MYO5B: variants seen among roughly 807,000 people sequenced by gnomAD.
The protein encoded by MYO5B is myosin VB.
A neutral mutation model predicts 229.3 loss-of-function variants in MYO5B; 143 were observed. The observed-to-expected ratio is 0.62, with a 90% CI of 0.54 to 0.72. The LOEUF (loss-of-function observed/expected upper bound fraction) is 0.72. Ranked by LOEUF, MYO5B falls within the 30% of genes least tolerant of loss-of-function variation. The probability of loss-of-function intolerance (pLI) is 0.00; values close to 1 mark genes in which losing one functional copy is unlikely to be tolerated. For missense variants in MYO5B, 2,321 were observed against 2,331.0 expected (o/e 1.00, Z 0.09); for synonymous variants, 918 against 885.2 (o/e 1.04, Z -0.66).
intron 4 of MYO5B, among the ~76,000 whole-genome samples, chr18:50,014,290 A>AC (rs1179386474): frequency 2.0e-5 from 2 of 98,748 alleles, no homozygotes; most frequent in Middle Eastern, 4.3e-3. Flanking sequence ...AAAAAAAAAA[A>AC]AAAAAACTAC....
At chr18:49,908,841 G>C (rs1181653428) in intron 18 of MYO5B, among the ~76,000 whole-genome samples, 2 of 152,144 alleles carry the variant, frequency 1.3e-5, no homozygotes, top group African/African-American at 4.8e-5. Context: ...TGTATCTGTG[G>C]AGTTAAAGAA....
In MYO5B at chr18:50,020,827, T is replaced by C. The variant is rs567447596; in HGVS notation, c.455+16023A>G. Among the ~76,000 whole-genome samples the C allele has an allele frequency of 7.9e-5, 12 of 152,368 alleles. No individual in the cohort carries two copies. The South Asian group carries it at 1.7e-3, about 21-fold the overall frequency. ...TAGTTTCTGACTCAGCTAAACAAAG[T>C]GCTAGGCCAGGGAGATGGATGTTTT... On this transcript the variant is annotated intron_variant, in intron 4 of 39. Coordinates refer to ENST00000285039, the MANE Select transcript of MYO5B (RefSeq NM_001080467.3).
intron 1 of MYO5B, among the ~76,000 whole-genome samples, chr18:50,143,808 G>A (rs1212239510): frequency 6.6e-6 from 1 of 152,158 alleles, no homozygotes; most frequent in East Asian, 1.9e-4. Context: ...TTGTGTACAG[G>A]CTTGTCCTGT....
At chr18:49,879,236 T>TTTGC in intron 23 of MYO5B, 146 bp from the exon 24 acceptor site, 1 of 909,662 alleles carries the variant, frequency 1.1e-6, no homozygotes, top group Non-Finnish European at 1.8e-6. Context: ...GCTCCTCACC[T>TTTGC]ACTGCAGAGC....
chr18:49,950,470 A>G (rs2025420039), intron 14 of MYO5B, among the ~76,000 whole-genome samples: 1 of 152,208 alleles, frequency 6.6e-6, no homozygotes, highest in South Asian at 2.1e-4. Context: ...AGAAGTATGC[A>G]AAGATATACA....
intron 4 of MYO5B, among the ~76,000 whole-genome samples, chr18:50,034,500 T>TA (rs2026426560): frequency 6.6e-6 from 1 of 152,186 alleles, no homozygotes; most frequent in Non-Finnish European, 1.5e-5. Context: ...TCCTAACATT[T>TA]TGAGAGGCAG....
intron 14 of MYO5B, among the ~76,000 whole-genome samples, chr18:49,949,987 T>C (rs1459922801): frequency 6.6e-6 from 1 of 152,058 alleles, no homozygotes; most frequent in Non-Finnish European, 1.5e-5. Flanking sequence ...GTGTAGAGCA[T>C]ACTTAGAATC....
At chr18:50,019,754 G>C (rs1300757968) in intron 4 of MYO5B, among the ~76,000 whole-genome samples, 1 of 152,176 alleles carries the variant, frequency 6.6e-6, no homozygotes, top group Admixed American at 6.5e-5. Flanking sequence ...ACAAATTCAA[G>C]GCAGGGCCCA....
rs191746501 is a variant in MYO5B, at chr18:49,937,310, C to T, written c.1840G>A (p.Val614Ile). 4.7e-5 allele frequency: 76 copies of T among 1,614,152 alleles called. No individual in the cohort carries two copies. The highest frequency in any genetic ancestry group is 3.2e-4 in the South Asian group (29 of 91,082). The change falls in exon 15 of 40, where the codon GTC becomes ATC. Residue 614 changes from valine (V) to isoleucine (I), a missense_variant. This residue lies in a region of MYO5B where 2,113 missense variants were observed against 2,044.7 expected (regional missense o/e 1.03). Transcript: ENST00000285039. ...PGKGSSSKIS[V>I]RSARPPMKVS... ...TTCATGGGGGGTCTGGCAGAACGGA[C>T]GCTGATCTTCGAAGATGACCCCTTC... is the stretch of plus-strand genomic sequence containing the variant.
intron 1 of MYO5B, among the ~76,000 whole-genome samples, chr18:50,148,639 C>G (rs1478835267): frequency 6.6e-6 from 1 of 151,516 alleles, no homozygotes; most frequent in Non-Finnish European, 1.5e-5. Context: ...CAACAACCTT[C>G]ATGCTAAAAA....
In MYO5B at chr18:49,864,300, C is replaced by T; in HGVS notation, c.3684G>A (p.Thr1228=). ...ELRKAVADQA[T]QNNSSHGSPD... ...GGGAGCCGTGGCTGGAGTTATTCTG[C>T]GTGGCTTGGTCGGCCACGGCTTTCC... Residue 1228 remains threonine, a synonymous_variant, in exon 28 of 40, where the codon ACG becomes ACA. Transcript: ENST00000285039. The T allele has an allele frequency of 6.2e-7, 1 of 1,614,164 alleles. No homozygotes were observed. Among genetic ancestry groups the T allele is most frequent in the Non-Finnish European group, 8.5e-7 (1 of 1,180,042 alleles).
chr18:50,152,628 G>A (rs538988603), intron 1 of MYO5B, among the ~76,000 whole-genome samples: 1 of 152,234 alleles, frequency 6.6e-6, no homozygotes, highest in Admixed American at 6.5e-5. Context: ...TACAACATGA[G>A]AGCAGGTAAT....
At chr18:50,160,063 C>T (rs1412615205) in intron 1 of MYO5B, among the ~76,000 whole-genome samples, 1 of 152,258 alleles carries the variant, frequency 6.6e-6, no homozygotes, top group Non-Finnish European at 1.5e-5. Flanking sequence ...CCCCTCTGTC[C>T]ATGGGACCAC....
chr18:50,115,450 T>G (rs565888161), intron 1 of MYO5B, among the ~76,000 whole-genome samples: 1 of 152,242 alleles, frequency 6.6e-6, no homozygotes, highest in Admixed American at 6.5e-5. Flanking sequence ...TACCAAATTA[T>G]GTACGGAGCA....
chr18:50,125,097 G>T (rs1224804042), intron 1 of MYO5B, among the ~76,000 whole-genome samples: 1 of 152,036 alleles, frequency 6.6e-6, no homozygotes, highest in Non-Finnish European at 1.5e-5. Context: ...CAAGCCCCAG[G>T]GTCTCCAAGC....
At chr18:50,030,163 G>C (rs1411925639) in intron 4 of MYO5B, among the ~76,000 whole-genome samples, 1 of 152,182 alleles carries the variant, frequency 6.6e-6, no homozygotes, top group African/African-American at 2.4e-5. Context: ...CAAAAGTCCT[G>C]AGTCCATTCT....
chr18:50,130,628 C>T (rs986959489), intron 1 of MYO5B, among the ~76,000 whole-genome samples: 2 of 152,132 alleles, frequency 1.3e-5, no homozygotes, highest in Non-Finnish European at 1.5e-5. Flanking sequence ...AAGCACCCTC[C>T]GTGGATTTAT....
At chr18:50,123,707 CA>C (rs34239458) in intron 1 of MYO5B, among the ~76,000 whole-genome samples, 3 of 151,900 alleles carry the variant, frequency 2.0e-5, no homozygotes, top group African/African-American at 4.8e-5. Context: ...GACCCTGTCT[CA>C]AAAAAAGTTA....
intron 39 of MYO5B, among the ~76,000 whole-genome samples, chr18:49,832,233 G>GTAC (rs1320808123): frequency 6.6e-6 from 1 of 152,202 alleles, no homozygotes; most frequent in Non-Finnish European, 1.5e-5. Context: ...ATGGAGAAGA[G>GTAC]TACCCTTCTG....
Sources: allele counts gnomAD v4.1 joint callset (sites outside exome capture counted in the v4.1 genomes callset), GRCh38; gene constraint gnomAD v4.1.1; regional missense constraint gnomAD v4.1.1; transcripts MANE v1.5; gene names NCBI Gene and HGNC (gene_info 2026-07-23, HGNC 2026-07-21).